The following ITGA1 variants were observed in gnomAD, a reference collection of about 807,000 sequenced individuals.
ITGA1 encodes integrin alpha-1.
In ITGA1, 85 loss-of-function variants were observed where a neutral mutation model predicts 145.9. The observed-to-expected ratio is 0.58, with a 90% CI of 0.49 to 0.70. ITGA1 has a LOEUF of 0.70. ITGA1 is among the 30% of genes least tolerant of loss of function. ITGA1 has a pLI of 0.00. For missense variants in ITGA1, 1,351 were observed against 1,418.7 expected (o/e 0.95, Z 0.77); for synonymous variants, 520 against 495.3 (o/e 1.05, Z -0.66).
At chr5:52,887,013 G>T (rs1023623137) in intron 7 of ITGA1, among the ~76,000 whole-genome samples, 9 of 152,076 alleles carry the variant, frequency 5.9e-5, no homozygotes, top group African/African-American at 2.2e-4. Context: ...TCTTGACCTC[G>T]TGATCTGCCC....
rs916326172 is a variant in ITGA1 at position 52,925,425 on chromosome 5, A to G, written c.2551A>G (p.Ser851Gly). 1.2e-6 allele frequency: 2 copies of G among 1,614,124 alleles called. No individual in the cohort carries two copies. The highest frequency in any genetic ancestry group is 1.7e-6 in the Non-Finnish European group (2 of 1,179,936). Residue 851 changes from serine (S) to glycine (G), a missense_variant, in exon 19 of 29, where the codon AGT becomes GGT. Transcript: ENST00000282588. The part of the protein sequence containing the change: ...VSLTVKNTKD[S>G]AYNTRTIVHY... ...CCTCACAGTCAAAAATACAAAGGAC[A>G]GTGCCTATAACACCAGGACAATAGT...
intron 1 of ITGA1, among the ~76,000 whole-genome samples, chr5:52,847,412 G>T (rs903932100): frequency 1.3e-5 from 2 of 152,156 alleles, no homozygotes; most frequent in Non-Finnish European, 2.9e-5. Context: ...CAATTTATAA[G>T]ACTAGGAAAG....
At chr5:52,880,882 A>G (rs1251351816) in intron 6 of ITGA1, among the ~76,000 whole-genome samples, 1 of 152,240 alleles carries the variant, frequency 6.6e-6, no homozygotes, top group East Asian at 1.9e-4. Context: ...ATTGGTTCAC[A>G]TCAACCTTTA....
chr5:52,929,498 T>C, intron 20 of ITGA1, 127 bp from the exon 21 acceptor site: 1 of 628,454 alleles, frequency 1.6e-6, no homozygotes, highest in Non-Finnish European at 2.9e-6. Flanking sequence ...TAAGGTTTCA[T>C]TTTGTAAGAC....
At chr5:52,814,420 G>A (rs964033374) in intron 1 of ITGA1, among the ~76,000 whole-genome samples, 3 of 152,144 alleles carry the variant, frequency 2.0e-5, no homozygotes, top group African/African-American at 7.2e-5. Context: ...TTACAGGTGT[G>A]AGCACTGTGC....
chr5:52,891,871 GTTTTCATTATCT>G (rs1750157106), intron 8 of ITGA1, among the ~76,000 whole-genome samples: 1 of 151,642 alleles, frequency 6.6e-6, no homozygotes. Context: ...TTTTAAAAAT[GTTTTCATTATCT>G]TGAACATTTT....
chr5:52,896,043 A>G (rs777725301), intron 9 of ITGA1, among the ~76,000 whole-genome samples: 2 of 152,160 alleles, frequency 1.3e-5, no homozygotes, highest in African/African-American at 2.4e-5. Flanking sequence ...ATCAGAAAAT[A>G]GTCTACTGTC....
intron 1 of ITGA1, among the ~76,000 whole-genome samples, chr5:52,792,596 C>T (rs1436227229): frequency 6.6e-6 from 1 of 152,158 alleles, no homozygotes; most frequent in South Asian, 2.1e-4. Flanking sequence ...GCTCCTCTAA[C>T]ATGTTCCTCC....
chr5:52,910,245 A>G lies in ITGA1; in HGVS notation c.1683A>G (p.Glu561=). The G allele has an allele frequency of 6.2e-7, 1 of 1,614,030 alleles. No individual in the cohort carries two copies. ...SSRQHNSCTT[E]NKNEPCGARF... is the part of the protein sequence containing the mutation. ...GGCAGCACAATTCATGCACAACAGAAAACAAAAATGAGCCATGCGGGGCTC... is the reference window on the plus strand; with the variant it reads ...GGCAGCACAATTCATGCACAACAGAGAACAAAAATGAGCCATGCGGGGCTC... The change falls in exon 14 of 29, where the codon GAA becomes GAG. Residue 561 remains glutamate (E), a synonymous_variant. Transcript: ENST00000282588.
chr5:52,815,106 A>G (rs1258946718), intron 1 of ITGA1, among the ~76,000 whole-genome samples: 1 of 152,214 alleles, frequency 6.6e-6, no homozygotes, highest in Non-Finnish European at 1.5e-5. Flanking sequence ...AGAGGAGGAG[A>G]AAAATCAGCT....
rs958264069 is a variant in ITGA1, at chr5:52,897,545, G to T, written c.1164+17G>T. On this transcript the variant is annotated intron_variant, in intron 10 of 28. Coordinates refer to ENST00000282588, the MANE Select transcript of ITGA1 (RefSeq NM_181501.2). ...TATTCACAGGTATGTTGACCAGTTG[G>T]TGAAAAATGAAATATATGTTTGCAA... 1 of 1,601,756 alleles carries T rather than the reference G, an allele frequency of 6.2e-7. No homozygotes were observed. Among genetic ancestry groups the T allele is most frequent in the Non-Finnish European group, 8.5e-7 (1 of 1,169,650 alleles).
intron 1 of ITGA1, among the ~76,000 whole-genome samples, chr5:52,830,031 G>T: frequency 6.6e-6 from 1 of 152,178 alleles, no homozygotes; most frequent in South Asian, 2.1e-4. Flanking sequence ...ATAAATATAT[G>T]AATGAAGTAA....
At chr5:52,832,837 G>GT (rs10634936) in intron 1 of ITGA1, among the ~76,000 whole-genome samples, 17,610 of 141,010 alleles carry the variant, frequency 0.12, 1,940 homozygotes, top group Admixed American at 0.18. Flanking sequence ...TCTCAAAAGA[G>GT]TTTTTTTTTG....
intron 6 of ITGA1, among the ~76,000 whole-genome samples, chr5:52,878,961 C>CAA (rs33911483): frequency 0.016 from 2,121 of 130,652 alleles, 61 homozygotes; most frequent in African/African-American, 0.053. Context: ...GTCTAAGTAC[C>CAA]AAAAAAAAAA....
intron 20 of ITGA1, among the ~76,000 whole-genome samples, chr5:52,929,243 A>G (rs1750860577): frequency 6.6e-6 from 1 of 152,186 alleles, no homozygotes; most frequent in African/African-American, 2.4e-5. Flanking sequence ...CTGAGATAGC[A>G]GAACCAGGAA....
intron 1 of ITGA1, 90 bp from the exon 2 acceptor site, chr5:52,849,275 G>T: frequency 9.1e-7 from 1 of 1,095,342 alleles, no homozygotes; most frequent in Non-Finnish European, 1.3e-6. Flanking sequence ...AACAGCTTTC[G>T]ATGGTAACCT....
At position 52,810,341 on chromosome 5, in the gene ITGA1, C is replaced by T. The variant is rs186760444; in HGVS notation, c.61+21927C>T. ...GGGGCTGGACACTAGAAAGACCCAC[C>T]GGGGTCTTTTCTATTTTTATATTCA... On this transcript the variant is annotated intron_variant, in intron 1 of 28. Transcript: ENST00000282588. Among the ~76,000 whole-genome samples the T allele has an allele frequency of 1.7e-4, 26 of 152,294 alleles. No homozygotes were observed. In the East Asian group the frequency reaches 2.3e-3, roughly 14 times the overall value.
Position 52,865,086 on chromosome 5 carries a change from C to T in ITGA1, c.496+4C>T. The T allele has an allele frequency of 6.3e-7, 1 of 1,593,944 alleles. No homozygotes were observed. Among genetic ancestry groups the T allele is most frequent in the Non-Finnish European group, 8.6e-7 (1 of 1,163,422 alleles). ...AATTCCATTGCCCCTGTACAAGGTA[C>T]AGATTTTATGCAATGTTCTTGCATG... On this transcript the variant is annotated splice_donor_region_variant and intron_variant, in intron 5 of 28. Transcript: ENST00000282588.
At chr5:52,811,984 C>T (rs73092787) in intron 1 of ITGA1, among the ~76,000 whole-genome samples, 1,797 of 152,248 alleles carry the variant, frequency 0.012, 41 homozygotes, top group African/African-American at 0.041. Flanking sequence ...GGCATCTGTA[C>T]ATTTTAAAAG....
Sources: gnomAD v4.1 joint callset for allele counts (sites outside exome capture counted in the v4.1 genomes callset) on GRCh38, gnomAD v4.1.1 for gene constraint, MANE v1.5 for transcripts, NCBI Gene and HGNC (gene_info 2026-07-23, HGNC 2026-07-21) for gene names.